Variants in GPC6 observed in about 807,000 individuals in gnomAD.
GPC6 encodes the protein glypican 6.
A neutral mutation model predicts 55.2 loss-of-function variants in GPC6; 14 were observed. The ratio of observed to expected loss-of-function variants is 0.25; its 90% CI spans 0.17 to 0.40. GPC6 has a LOEUF of 0.40. Among genes scored for constraint, GPC6 ranks in the 10% least tolerant of loss-of-function variants. The pLI is 1.00. For missense variants in GPC6, 641 were observed against 708.5 expected (o/e 0.90, Z 1.08); for synonymous variants, 278 against 259.6 (o/e 1.07, Z -0.68).
intron 1 of GPC6, among the ~76,000 whole-genome samples, chr13:93,265,770 A>T (rs1438135704): frequency 6.6e-6 from 1 of 151,558 alleles, no homozygotes. Context: ...TTACATTTTT[A>T]GGCATTTTTC....
intron 7 of GPC6, 86 bp from the exon 8 acceptor site, chr13:94,398,380 C>A: frequency 1.0e-6 from 1 of 1,004,194 alleles, no homozygotes; most frequent in Non-Finnish European, 1.6e-6. Flanking sequence ...CTGTCAGAGA[C>A]AGTCATCTGG....
At chr13:93,392,700 C>T (rs1244629588) in intron 1 of GPC6, among the ~76,000 whole-genome samples, 5 of 152,132 alleles carry the variant, frequency 3.3e-5, no homozygotes, top group African/African-American at 1.2e-4. Flanking sequence ...CCAAGTTTTG[C>T]ACTTGTTTCA....
chr13:93,584,101 T>G (rs1594287492), intron 2 of GPC6, among the ~76,000 whole-genome samples: 1 of 152,168 alleles, frequency 6.6e-6, no homozygotes, highest in Admixed American at 6.5e-5. Flanking sequence ...AAGGGAATAA[T>G]GAATATTGGT....
chr13:93,816,873 C>T (rs1383126398), intron 2 of GPC6, among the ~76,000 whole-genome samples: 1 of 152,094 alleles, frequency 6.6e-6, no homozygotes, highest in Non-Finnish European at 1.5e-5. Flanking sequence ...TCTATCTTAG[C>T]ATACTATTAC....
chr13:93,499,481 C>T (rs948021391), intron 1 of GPC6, among the ~76,000 whole-genome samples: 2 of 152,192 alleles, frequency 1.3e-5, no homozygotes, highest in African/African-American at 2.4e-5. Context: ...CTGCCATCCT[C>T]ATCTCTAAGC....
At chr13:93,560,344 C>T (rs1186807621) in intron 2 of GPC6, among the ~76,000 whole-genome samples, 7 of 79,548 alleles carry the variant, frequency 8.8e-5, no homozygotes, top group Non-Finnish European at 1.8e-4. Flanking sequence ...AGTATCTCTA[C>T]CAAAAAAAAA....
At chr13:93,470,864 CA>C (rs1355577299) in intron 1 of GPC6, among the ~76,000 whole-genome samples, 10 of 151,804 alleles carry the variant, frequency 6.6e-5, no homozygotes, top group Non-Finnish European at 8.8e-5. Context: ...GTCATTTTTG[CA>C]ATTTGCAGAT....
intron 2 of GPC6, among the ~76,000 whole-genome samples, chr13:93,743,194 T>C (rs1884268541): frequency 6.6e-6 from 1 of 152,128 alleles, no homozygotes; most frequent in Non-Finnish European, 1.5e-5. Context: ...TATAGAAAGA[T>C]CTTGGTATGT....
At position 94,403,288 on chromosome 13, in the gene GPC6, T is replaced by C; in HGVS notation, c.*71T>C. The C allele has an allele frequency of 9.3e-7, 1 of 1,070,424 alleles. No homozygotes were observed. Among genetic ancestry groups the C allele is most frequent in the Non-Finnish European group, 1.4e-6 (1 of 705,122 alleles). 66.3% of individuals were successfully genotyped at this position (1,070,424 alleles called of 1,614,324 possible). Reference sequence around the variant, plus strand: ...GGCCAACTCACTTCTTTTCTTACACTCTTGGACAATGGACCATGCCACAAA... The same window carrying C: ...GGCCAACTCACTTCTTTTCTTACACCCTTGGACAATGGACCATGCCACAAA... On this transcript the variant is annotated 3_prime_UTR_variant, in exon 9 of 9. Transcript: ENST00000377047.
At chr13:94,293,113 C>A (rs1255683482) in intron 5 of GPC6, among the ~76,000 whole-genome samples, 1 of 151,514 alleles carries the variant, frequency 6.6e-6, no homozygotes, top group Non-Finnish European at 1.5e-5. Flanking sequence ...AAAGAATCTC[C>A]CAGTAACAGT....
chr13:94,012,656 C>A lies in GPC6; in HGVS notation c.712-15073C>A, dbSNP rs1882296601. On this transcript the variant is annotated intron_variant, in intron 3 of 8. Transcript: ENST00000377047. The stretch of plus-strand genomic sequence containing the variant: ...ATATTTTAACATTATTCACCTCTTA[C>A]CATATGCCAGCTACTTACACTAGGT... Among the ~76,000 whole-genome samples the A allele has an allele frequency of 1.3e-5, 2 of 152,168 alleles. 1 individual carries two copies. Among genetic ancestry groups the A allele is most frequent in the South Asian group, 4.1e-4 (2 of 4,830 alleles).
intron 7 of GPC6, among the ~76,000 whole-genome samples, chr13:94,389,223 T>C (rs911980809): frequency 6.6e-6 from 1 of 152,058 alleles, no homozygotes; most frequent in Non-Finnish European, 1.5e-5. Context: ...TAAAGACTCA[T>C]GGTGCAGGTT....
chr13:93,873,340 G>T (rs1333135976), intron 3 of GPC6, among the ~76,000 whole-genome samples: 1 of 151,910 alleles, frequency 6.6e-6, no homozygotes, highest in Non-Finnish European at 1.5e-5. Flanking sequence ...GGTGGGAGGA[G>T]TGACTAGCAG....
intron 1 of GPC6, among the ~76,000 whole-genome samples, chr13:93,257,001 GA>G (rs149763717): frequency 2.0e-5 from 3 of 150,710 alleles, no homozygotes; most frequent in African/African-American, 7.3e-5. Flanking sequence ...GTAACTTTGT[GA>G]AAAAAAAAGC....
intron 1 of GPC6, among the ~76,000 whole-genome samples, chr13:93,407,768 T>G (rs1876348189): frequency 6.6e-6 from 1 of 152,200 alleles, no homozygotes; most frequent in South Asian, 2.1e-4. Context: ...TGTGGGTAAC[T>G]TTGAGCAAGT....
At chr13:93,737,280 G>A (rs947036503) in intron 2 of GPC6, among the ~76,000 whole-genome samples, 9 of 152,192 alleles carry the variant, frequency 5.9e-5, no homozygotes, top group East Asian at 1.9e-4. Context: ...AGTGGCCTGC[G>A]AGGACCTTTA....
intron 2 of GPC6, among the ~76,000 whole-genome samples, chr13:93,721,737 T>G (rs2138823683): frequency 6.6e-6 from 1 of 151,896 alleles, no homozygotes; most frequent in East Asian, 1.9e-4. Flanking sequence ...TCCTTATGTG[T>G]CTGTGGTATC....
intron 4 of GPC6, among the ~76,000 whole-genome samples, chr13:94,176,765 GAAAT>G (rs1203200939): frequency 1.3e-5 from 2 of 152,134 alleles, no homozygotes; most frequent in East Asian, 3.9e-4. Context: ...AAGCAAAAAA[GAAAT>G]AAATGTTTCC....
chr13:94,075,429 T>C (rs1884876992), intron 4 of GPC6, among the ~76,000 whole-genome samples: 1 of 152,128 alleles, frequency 6.6e-6, no homozygotes. Flanking sequence ...CAGCTTTTTG[T>C]GTGCAGGTGT....
Sources: allele counts gnomAD v4.1 joint callset (sites outside exome capture counted in the v4.1 genomes callset), GRCh38; gene constraint gnomAD v4.1.1; transcripts MANE v1.5; gene names NCBI Gene and HGNC (gene_info 2026-07-23, HGNC 2026-07-21).